Variants in CLUL1 observed in about 807,000 individuals in gnomAD.
CLUL1 encodes clusterin like 1.
In CLUL1, 43 loss-of-function variants were observed where a neutral mutation model predicts 49.4. The ratio of observed to expected loss-of-function variants is 0.87; its 90% CI spans 0.68 to 1.12. CLUL1 has a LOEUF of 1.12. CLUL1 is among the 50% of genes most tolerant of loss of function. The probability of loss-of-function intolerance (pLI) is 0.00; values close to 1 mark genes in which losing one functional copy is unlikely to be tolerated. For synonymous variants in CLUL1, 192 were observed against 184.9 expected, an observed-to-expected ratio of 1.04 and a Z score of -0.31; for missense variants, 486 against 544.4, an observed-to-expected ratio of 0.89 and a Z score of 1.07.
intron 4 of CLUL1, among the ~76,000 whole-genome samples, chr18:620,960 G>A (rs1286287728): frequency 6.6e-6 from 1 of 152,164 alleles, no homozygotes; most frequent in East Asian, 1.9e-4. Flanking sequence ...CAATTTTAAT[G>A]TTGAGAGTAA....
At chr18:647,719 A>G (rs2074548017) in intron 9 of CLUL1, among the ~76,000 whole-genome samples, 1 of 152,022 alleles carries the variant, frequency 6.6e-6, no homozygotes, top group Non-Finnish European at 1.5e-5. Flanking sequence ...TCATCAACAG[A>G]TCTCAGTTCA....
chr18:630,888 T>C (rs920615018), intron 6 of CLUL1, among the ~76,000 whole-genome samples: 1 of 150,960 alleles, frequency 6.6e-6, no homozygotes, highest in Non-Finnish European at 1.5e-5. Flanking sequence ...ACAGATGACA[T>C]CTTGATTTTA....
Position 643,827 on chromosome 18 carries a change from C to T in CLUL1, c.1210-1083C>T, listed in dbSNP as rs114469425. On this transcript the variant is annotated intron_variant, in intron 8 of 9. Coordinates refer to ENST00000692774, the MANE Select transcript of CLUL1 (RefSeq NM_001393344.1). ...ATGACCCTATAAAGGAAGTAGAATT[C>T]TTTCCCCAGTTTTTCAAATGAGGCA... 6.0e-3 allele frequency among the ~76,000 whole-genome samples: 910 copies of T among 152,284 alleles called. 10 individuals carry two copies. Among genetic ancestry groups the T allele is most frequent in the African/African-American group, 0.021 (855 of 41,550 alleles).
chr18:617,392 C>T (rs1482555359), intron 2 of CLUL1, among the ~76,000 whole-genome samples: 2 of 152,116 alleles, frequency 1.3e-5, no homozygotes, highest in East Asian at 1.9e-4. Flanking sequence ...GTCAGTAGTT[C>T]GAGACCAGCC....
At chr18:631,704 G>C (rs1244879394) in intron 6 of CLUL1, among the ~76,000 whole-genome samples, 1 of 152,110 alleles carries the variant, frequency 6.6e-6, no homozygotes, top group African/African-American at 2.4e-5. Flanking sequence ...TCCAGAGAAA[G>C]GAAAACAGAT....
Position 627,455 on chromosome 18 carries a change from CTATT to C in CLUL1, c.786_789del (p.Ile262MetfsTer12), listed in dbSNP as rs1415789230. 1 of 1,613,744 alleles carries C rather than the reference CTATT, an allele frequency of 6.2e-7. No individual in the cohort carries two copies. The highest frequency in any genetic ancestry group is 1.7e-5 in the Admixed American group (1 of 60,022). Reference sequence around the variant, plus strand: ...CAGCTGTTTTGTAATTTCAGTGTCTCTATTTATGAAAGTGTCAGTGAAACAATTA... The same window carrying C: ...CAGCTGTTTTGTAATTTCAGTGTCTCTATGAAAGTGTCAGTGAAACAATTA... On this transcript the variant is annotated frameshift_variant, in exon 6 of 10. Transcript: ENST00000692774. LOFTEE classifies it high-confidence loss of function.
At chr18:628,780 C>T (rs536452419) in intron 6 of CLUL1, among the ~76,000 whole-genome samples, 38 of 151,598 alleles carry the variant, frequency 2.5e-4, no homozygotes, top group East Asian at 7.8e-4. Context: ...TACAGGTGCC[C>T]GCCACCACGC....
rs188811731 is a variant in CLUL1, at chr18:641,920, G to A, written c.1209+379G>A. On this transcript the variant is annotated intron_variant, in intron 8 of 9. Transcript: ENST00000692774. ...ACTCTGAAACTTACCAGCTGAGTAA[G>A]CTTGGGAAAGTACCTCAACCATTCT... Among the ~76,000 whole-genome samples, 475 of 152,270 alleles carry A rather than the reference G, an allele frequency of 3.1e-3. 2 individuals are homozygous for A. The highest frequency in any genetic ancestry group is 0.011 in the African/African-American group (448 of 41,558).
Position 601,201 on chromosome 18 carries a change from T to C in CLUL1, c.-136+4072T>C, listed in dbSNP as rs761330513. Reference sequence around the variant, plus strand: ...TGAAATATTTTGTGGTTTTCATGCTTTGTATCTTGTGCTGATAGCCCCACA... The same window carrying C: ...TGAAATATTTTGTGGTTTTCATGCTCTGTATCTTGTGCTGATAGCCCCACA... On this transcript the variant is annotated intron_variant, in intron 1 of 9. Transcript: ENST00000692774. Among the ~76,000 whole-genome samples, 47 of 152,312 alleles carry C rather than the reference T, an allele frequency of 3.1e-4. 1 individual carries two copies. The Middle Eastern group carries it at 0.02, about 66-fold the overall frequency.
At chr18:647,477 C>G (rs2074541296) in intron 9 of CLUL1, among the ~76,000 whole-genome samples, 1 of 152,160 alleles carries the variant, frequency 6.6e-6, no homozygotes, top group African/African-American at 2.4e-5. Context: ...AGAAACGGGT[C>G]AGGTCTAGAG....
At chr18:614,678 T>A (rs1340867508) in intron 2 of CLUL1, 1 of 152,270 alleles carries the variant, frequency 6.6e-6, no homozygotes, top group Admixed American at 6.5e-5. Flanking sequence ...ATTTGCCCTC[T>A]TTCTGTCTTT....
chr18:607,391 A>G (rs1263843863), intron 2 of CLUL1, among the ~76,000 whole-genome samples: 1 of 152,058 alleles, frequency 6.6e-6, no homozygotes, highest in East Asian at 1.9e-4. Context: ...GGCCTCCCAA[A>G]GTGCTGGGAT....
intron 6 of CLUL1, among the ~76,000 whole-genome samples, chr18:629,810 T>C (rs2073934929): frequency 6.6e-6 from 1 of 152,246 alleles, no homozygotes; most frequent in East Asian, 1.9e-4. Flanking sequence ...GGAGACACTG[T>C]CTTCCCAGAT....
intron 1 of CLUL1, among the ~76,000 whole-genome samples, chr18:598,807 G>A (rs1053828027): frequency 9.9e-5 from 15 of 151,568 alleles, no homozygotes; most frequent in African/African-American, 3.2e-4. Context: ...TCCTTTTTCC[G>A]GACTTAAAAA....
chr18:631,123 G>A (rs753884092), intron 6 of CLUL1, among the ~76,000 whole-genome samples: 1 of 152,080 alleles, frequency 6.6e-6, no homozygotes, highest in African/African-American at 2.4e-5. Flanking sequence ...ACTGAATTAT[G>A]AACACCAGGA....
chr18:614,972 C>G (rs998070845), intron 2 of CLUL1, among the ~76,000 whole-genome samples: 6 of 152,236 alleles, frequency 3.9e-5, no homozygotes, highest in African/African-American at 1.4e-4. Flanking sequence ...GATGCTCTGT[C>G]CAAGCCTGAA....
chr18:602,410 G>C (rs765573718), intron 1 of CLUL1, among the ~76,000 whole-genome samples: 1 of 152,106 alleles, frequency 6.6e-6, no homozygotes, highest in Non-Finnish European at 1.5e-5. Flanking sequence ...GCTTCTGATT[G>C]AGTTCAGCCA....
At chr18:615,200 T>G (rs1346648270) in intron 2 of CLUL1, among the ~76,000 whole-genome samples, 5 of 152,228 alleles carry the variant, frequency 3.3e-5, no homozygotes, top group Non-Finnish European at 7.3e-5. Flanking sequence ...CATGAAGTAT[T>G]GCTTAATCTT....
Position 606,637 on chromosome 18 carries a change from A to T in CLUL1, c.-135-341A>T, listed in dbSNP as rs996044326. ...TCTCACCCAGGGCTCGCCCCAGAAC[A>T]ACCACCGGCTTCTTTCAGTGTAGCC... On this transcript the variant is annotated intron_variant, in intron 1 of 9. Coordinates refer to ENST00000692774, the MANE Select transcript of CLUL1 (RefSeq NM_001393344.1). This position sits in a 1 kb window ranked among gnomAD's most constrained non-coding sequence, Gnocchi z 4.1. 6.6e-6 allele frequency among the ~76,000 whole-genome samples: 1 copy of T among 152,066 alleles called. No individual in the cohort carries two copies. Among genetic ancestry groups the T allele is most frequent in the African/African-American group, 2.4e-5 (1 of 41,382 alleles).
Sources: gnomAD v4.1 joint callset for allele counts (sites outside exome capture counted in the v4.1 genomes callset) on GRCh38, gnomAD v4.1.1 for gene constraint, Gnocchi (gnomAD v3.1) non-coding constraint, MANE v1.5 for transcripts, NCBI Gene and HGNC (gene_info 2026-07-23, HGNC 2026-07-21) for gene names.